Variants in YY1AP1 observed in about 807,000 individuals in gnomAD.
YY1AP1 encodes YY1 associated protein 1, also known as YY1-associated protein 1.
YY1AP1 carries 43 observed loss-of-function variants against 39.9 expected under a neutral mutation model. The ratio of observed to expected loss-of-function variants is 1.08; its 90% CI spans 0.84 to 1.39. YY1AP1 has a LOEUF of 1.39. Among genes scored for constraint, YY1AP1 ranks in the 40% most tolerant of loss-of-function variants. The pLI is 0.00. For missense variants in YY1AP1, 813 were observed against 900.7 expected, an observed-to-expected ratio of 0.90 and a Z score of 1.25; for synonymous variants, 292 against 331.3, an observed-to-expected ratio of 0.88 and a Z score of 1.29.
chr1:155,670,643 AG>A lies in YY1AP1; in HGVS notation c.584-180del, dbSNP rs34077221. On this transcript the variant is annotated intron_variant, in intron 7 of 10. Coordinates refer to ENST00000355499, the MANE Select transcript of YY1AP1 (RefSeq NM_139119.3). ...TTTCCTCAACTAACATTAGGTCTAA[AG>A]GGAGTCCCATTCACTGGCAATAAAA... 15,621 of 614,944 alleles carry A rather than the reference AG, an allele frequency of 0.025. 2,053 individuals carry two copies. The African/African-American group carries it at 0.27, about 11-fold the overall frequency. 38.1% of individuals were successfully genotyped at this position (614,944 alleles called of 1,614,324 possible).
chr1:155,673,612 C>T (rs10908479), intron 6 of YY1AP1, among the ~76,000 whole-genome samples: 58,662 of 151,918 alleles, frequency 0.39, 13,324 homozygotes, highest in East Asian at 0.69. Context: ...TATATAAGCA[C>T]GGCTCCCTAC....
chr1:155,670,673 G>T (rs943255211), intron 7 of YY1AP1: 16 of 436,872 alleles, frequency 3.7e-5, no homozygotes, highest in Admixed American at 8.0e-5. Flanking sequence ...AATAAAAGTT[G>T]ACTTTTTTTT....
At chr1:155,665,836 T>C (rs1318228544) in intron 9 of YY1AP1, among the ~76,000 whole-genome samples, 1 of 148,358 alleles carries the variant, frequency 6.7e-6, no homozygotes. Context: ...GATGTGGAAT[T>C]CAGGAAATAA....
chr1:155,679,848 G>C (rs1351425403), intron 3 of YY1AP1: 11 of 1,119,856 alleles, frequency 9.8e-6, no homozygotes, highest in Middle Eastern at 7.9e-4. Context: ...AAAACTAGTT[G>C]GCAATCTTTA....
chr1:155,674,687 G>C (rs188222270), intron 6 of YY1AP1: 2 of 212,566 alleles, frequency 9.4e-6, no homozygotes, highest in Non-Finnish European at 1.9e-5. Context: ...AAAATTACCC[G>C]TGGTGGTGCC....
chr1:155,672,833 A>G, intron 6 of YY1AP1, 102 bp from the exon 7 acceptor site: 1 of 1,484,216 alleles, frequency 6.7e-7, no homozygotes, highest in South Asian at 1.2e-5. Context: ...ACTACAGGAT[A>G]AAAACAGGTA....
chr1:155,677,611 G>T (rs1650902028), intron 4 of YY1AP1, among the ~76,000 whole-genome samples: 1 of 152,112 alleles, frequency 6.6e-6, no homozygotes, highest in African/African-American at 2.4e-5. Flanking sequence ...AAATGGTAAC[G>T]TTTTTCAATA....
Position 155,660,178 on chromosome 1 carries a change from T to C in YY1AP1, c.1732A>G (p.Asn578Asp), listed in dbSNP as rs368975948. 6.2e-6 allele frequency: 10 copies of C among 1,614,038 alleles called. No individual in the cohort carries two copies. In the African/African-American group the frequency reaches 9.3e-5, roughly 15 times the overall value. The change falls in exon 11 of 11, where the codon AAT (asparagine) becomes GAT (aspartate). Residue 578 changes from asparagine to aspartate, a missense_variant. By Grantham distance (23) the Asn-to-Asp change is conservative. This residue lies in a region of YY1AP1 where 586 missense variants were observed against 647.4 expected (regional missense o/e 0.91). Coordinates refer to ENST00000355499, the MANE Select transcript of YY1AP1 (RefSeq NM_139119.3). ...TGGGGACTCTGGGCCACAGCCGCAT[T>C]GACAGGCTGGATCATGTTACAGCCA... The part of the protein sequence containing the change: ...GGGCNMIQPV[N>D]AAVAQSPQTI...
chr1:155,659,838 C>A lies in YY1AP1; in HGVS notation c.2072G>T (p.Gly691Val), dbSNP rs773915271. ...GCGATAGGCACTGTTCTCTGACAAT[C>A]CTTCTTGGCACTGTTTATCGACTGG... ...PPPVDKQCQEGLSENSAYRWT... is the reference protein window; with the variant it reads ...PPPVDKQCQEVLSENSAYRWT... Residue 691 changes from glycine to valine, a missense_variant, in exon 11 of 11, where the codon GGA becomes GTA. Gly to Val is a moderately radical substitution (Grantham distance 109, BLOSUM62 -3). Around this residue, in one of 3 missense-constraint regions of YY1AP1, gnomAD observed 586 missense variants for 647.4 expected, o/e 0.91. Coordinates refer to ENST00000355499, the MANE Select transcript of YY1AP1 (RefSeq NM_139119.3). The A allele has an allele frequency of 1.2e-6, 2 of 1,614,230 alleles. No homozygotes were observed. Among genetic ancestry groups the A allele is most frequent in the Admixed American group, 1.7e-5 (1 of 60,030 alleles).
At chr1:155,678,035 A>C (rs1310595667) in intron 4 of YY1AP1, among the ~76,000 whole-genome samples, 1 of 152,238 alleles carries the variant, frequency 6.6e-6, no homozygotes, top group African/African-American at 2.4e-5. Context: ...AAGCTGCCCA[A>C]GTACAGTCAT....
intron 9 of YY1AP1, among the ~76,000 whole-genome samples, chr1:155,662,597 T>C (rs1040144974): frequency 6.6e-6 from 1 of 152,090 alleles, no homozygotes; most frequent in African/African-American, 2.4e-5. Context: ...TTCTATATCC[T>C]AGGCACTGTG....
chr1:155,688,149 G>C lies in YY1AP1; in HGVS notation c.-99C>G. ...GCCGCCAGGCTCCTCCGCTTCCCTGGGTCCACCGCGGATCCCTCCCGCTTG... is the reference window on the plus strand; with the variant it reads ...GCCGCCAGGCTCCTCCGCTTCCCTGCGTCCACCGCGGATCCCTCCCGCTTG... On this transcript the variant is annotated 5_prime_UTR_variant, in exon 2 of 11. Coordinates refer to ENST00000355499, the MANE Select transcript of YY1AP1 (RefSeq NM_139119.3). The C allele has an allele frequency of 1.2e-6, 2 of 1,613,818 alleles. No homozygotes were observed. Among genetic ancestry groups the C allele is most frequent in the Non-Finnish European group, 1.7e-6 (2 of 1,179,856 alleles).
chr1:155,665,733 G>A (rs1207038525), intron 9 of YY1AP1, among the ~76,000 whole-genome samples: 1 of 146,362 alleles, frequency 6.8e-6, no homozygotes, highest in Non-Finnish European at 1.5e-5. Context: ...AAGGTTGCAG[G>A]TTGCAGTGAG....
chr1:155,660,906 A>C lies in YY1AP1; in HGVS notation c.1004T>G (p.Leu335Arg). The C allele has an allele frequency of 5.6e-6, 9 of 1,614,184 alleles. No homozygotes were observed. The highest frequency in any genetic ancestry group is 6.8e-6 in the Non-Finnish European group (8 of 1,180,046). The change falls in exon 11 of 11, where the codon CTG (leucine) becomes CGG (arginine). Residue 335 changes from leucine to arginine, a missense_variant. By Grantham distance (102) the Leu-to-Arg change is moderately radical. Coordinates refer to ENST00000355499, the MANE Select transcript of YY1AP1 (RefSeq NM_139119.3). ...CCGCAGTTCTTCCTGGATGGATGGC[A>C]GACTGGCCTATTGGAAATGAGAACA... ...HRLPFWLKAS[L>R]PSIQEELRHM...
chr1:155,673,016 TTTAA>T (rs1020049568), intron 6 of YY1AP1, among the ~76,000 whole-genome samples: 7 of 152,168 alleles, frequency 4.6e-5, no homozygotes, highest in Non-Finnish European at 7.3e-5. Context: ...ATTACTTTAA[TTTAA>T]TTAATTAATT....
At chr1:155,681,582 C>T (rs115314375) in intron 2 of YY1AP1, among the ~76,000 whole-genome samples, 1 of 150,282 alleles carries the variant, frequency 6.7e-6, no homozygotes, top group African/African-American at 2.5e-5. Flanking sequence ...GAGCAAGACA[C>T]TGTCTCCAAA....
chr1:155,688,752 C>G lies in YY1AP1; in HGVS notation c.-245G>C. The G allele has an allele frequency of 6.6e-7, 1 of 1,519,760 alleles. No individual in the cohort carries two copies. 94.1% of individuals were successfully genotyped at this position (1,519,760 alleles called of 1,614,324 possible). A position where few individuals can be genotyped will look rare whatever the true frequency, so the allele number is the denominator to read the frequency against. ...GGCCACCAACCGCCGCCAAAGCAGC[C>G]GCCGCCAGCACCCCCACCCTACACT... On this transcript the variant is annotated 5_prime_UTR_variant, in exon 1 of 11. Coordinates refer to ENST00000355499, the MANE Select transcript of YY1AP1 (RefSeq NM_139119.3).
intron 10 of YY1AP1, 188 bp from the exon 11 acceptor site, chr1:155,661,101 AATT>A: frequency 6.7e-7 from 1 of 1,495,424 alleles, no homozygotes; most frequent in South Asian, 1.3e-5. Context: ...TCCTTTAGCA[AATT>A]ACCATTTTAC....
Position 155,679,434 on chromosome 1 carries a change from T to A in YY1AP1, c.100A>T (p.Asn34Tyr). The A allele has an allele frequency of 6.2e-7, 1 of 1,614,156 alleles. No homozygotes were observed. Among genetic ancestry groups the A allele is most frequent in the Non-Finnish European group, 8.5e-7 (1 of 1,180,034 alleles). Residue 34 changes from asparagine to tyrosine, a missense_variant, in exon 4 of 11, where the codon AAC becomes TAC. Asn to Tyr is a moderately radical substitution (Grantham distance 143). Around this residue, in one of 3 missense-constraint regions of YY1AP1, gnomAD observed 196 missense variants for 189.7 expected, o/e 1.03. Transcript: ENST00000355499. ...CGTAGAGCTTGAGGGGTGTTAAAGT[T>A]AGCTTGAGGCTCAGCCACACGCTCC... is the stretch of plus-strand genomic sequence containing the variant. ...EEERVAEPQA[N>Y]FNTPQALRFE...
Sources: gnomAD v4.1 joint callset for allele counts (sites outside exome capture counted in the v4.1 genomes callset) on GRCh38, gnomAD v4.1.1 for gene constraint, gnomAD v4.1.1 regional missense constraint, MANE v1.5 for transcripts, NCBI Gene and HGNC (gene_info 2026-07-23, HGNC 2026-07-21) for gene names.